The following WDPCP variants were observed in gnomAD, a reference collection of about 807,000 sequenced individuals.
WDPCP encodes WD repeat containing planar cell polarity effector, also known as WD repeat-containing and planar cell polarity effector protein fritz homolog.
Under a neutral mutation model 93.1 loss-of-function variants are expected in WDPCP, and 71 were observed. The ratio of observed to expected loss-of-function variants is 0.76; its 90% CI spans 0.63 to 0.93. WDPCP has a LOEUF of 0.93. Ranked by LOEUF, WDPCP falls within the 40% of genes least tolerant of loss-of-function variation. WDPCP has a pLI of 0.00. For missense variants in WDPCP, 844 were observed against 887.4 expected (o/e 0.95, Z 0.62); for synonymous variants, 315 against 315.0 (o/e 1.00, Z 0.00).
chr2:63,515,075 TA>T (rs1160696194), intron 1 of WDPCP, among the ~76,000 whole-genome samples: 22 of 152,162 alleles, frequency 1.4e-4, no homozygotes, highest in African/African-American at 2.2e-4. Context: ...ATTTTTTCAA[TA>T]GGTAATAAAT....
chr2:63,620,907 A>G (rs1709729079), intron 3 of WDPCP, among the ~76,000 whole-genome samples: 2 of 152,232 alleles, frequency 1.3e-5, no homozygotes, highest in Non-Finnish European at 2.9e-5. Context: ...AGCAAACTCC[A>G]GCAGACCTGA....
At chr2:63,333,405 T>G (rs11894002) in intron 12 of WDPCP, among the ~76,000 whole-genome samples, 5,690 of 152,304 alleles carry the variant, frequency 0.037, 369 homozygotes, top group African/African-American at 0.13. Flanking sequence ...CCCTTTGTTT[T>G]CCTTCCTTCC....
At position 63,627,186 on chromosome 2, in the gene WDPCP, A is replaced by G. The variant is rs909934725; in HGVS notation, n.488+23473T>C. Among the ~76,000 whole-genome samples the G allele has an allele frequency of 1.4e-4, 21 of 152,204 alleles. No homozygotes were observed. The East Asian group carries it at 3.1e-3, about 22-fold the overall frequency. ...CCAATAACAGGATTGCTAGAACACA[A>G]CATTTAGTTGAAAAGACAAAGCTCA... is the stretch of plus-strand genomic sequence containing the variant. On this transcript the variant is annotated intron_variant and non_coding_transcript_variant, in intron 3 of 4. Coordinates refer to the WDPCP transcript ENST00000467687.
chr2:63,446,859 T>C (rs1455886251), intron 6 of WDPCP, among the ~76,000 whole-genome samples: 1 of 152,248 alleles, frequency 6.6e-6, no homozygotes, highest in Admixed American at 6.5e-5. Flanking sequence ...AGCCTTCTTA[T>C]TTATACTTCA....
At chr2:63,690,280 G>C (rs142235620) in intron 2 of WDPCP, among the ~76,000 whole-genome samples, 360 of 152,282 alleles carry the variant, frequency 2.4e-3, no homozygotes, top group African/African-American at 8.0e-3. Context: ...AGCTGGAAAG[G>C]CTAATTATCA....
intron 9 of WDPCP, among the ~76,000 whole-genome samples, chr2:63,408,107 C>A (rs576189147): frequency 1.1e-4 from 17 of 152,210 alleles, no homozygotes; most frequent in Admixed American, 4.6e-4. Context: ...CTAGAGTGCA[C>A]CTCCAGACAG....
At chr2:63,546,382 G>A (rs570831710) in intron 1 of WDPCP, among the ~76,000 whole-genome samples, 12 of 152,266 alleles carry the variant, frequency 7.9e-5, no homozygotes, top group Middle Eastern at 6.8e-3. Flanking sequence ...GGATCTAATA[G>A]ACAATCCAAT....
chr2:63,802,281 TAAAAAAAAAAAAAAAAAAAAAAAA>T (rs58717654), intron 2 of WDPCP, among the ~76,000 whole-genome samples: 10 of 54,408 alleles, frequency 1.8e-4, no homozygotes, highest in Non-Finnish European at 2.4e-4. Context: ...CCCTCTCTCT[TAAAAAAAAAAAAAAAAAAAAAAAA>T]AAAAAAAAAA....
At chr2:63,643,893 G>T in intron 3 of WDPCP, 5 of 527,190 alleles carry the variant, frequency 9.5e-6, no homozygotes, top group South Asian at 7.0e-5. Context: ...GCATACTTAA[G>T]TCTGTTCCTT....
chr2:63,144,604 GT>G (rs1173491718), intron 17 of WDPCP, among the ~76,000 whole-genome samples: 2 of 152,110 alleles, frequency 1.3e-5, no homozygotes, highest in South Asian at 4.1e-4. Flanking sequence ...TTTTTTGGTT[GT>G]TTTTTCTTTA....
chr2:63,270,690 A>G (rs964901223), intron 13 of WDPCP, among the ~76,000 whole-genome samples: 1 of 152,218 alleles, frequency 6.6e-6, no homozygotes, highest in African/African-American at 2.4e-5. Flanking sequence ...CAAAGAGCCA[A>G]GAGAAACTCC....
At chr2:63,594,611 T>G (rs1243525483) in intron 3 of WDPCP, 4 of 1,487,046 alleles carry the variant, frequency 2.7e-6, no homozygotes, top group African/African-American at 1.4e-5. Context: ...CTATAAATCT[T>G]AAGTTATTAG....
At chr2:63,717,979 T>A (rs1405314649) in intron 2 of WDPCP, 5 of 152,730 alleles carry the variant, frequency 3.3e-5, no homozygotes, top group East Asian at 3.8e-4. Flanking sequence ...ACTTTTTTTT[T>A]ATTTTAGGAG....
intron 1 of WDPCP, among the ~76,000 whole-genome samples, chr2:63,552,315 T>A (rs940799893): frequency 6.6e-6 from 1 of 151,818 alleles, no homozygotes; most frequent in African/African-American, 2.4e-5. Context: ...GAGATATATA[T>A]ACACCTACTC....
intron 3 of WDPCP, among the ~76,000 whole-genome samples, chr2:63,609,848 G>A (rs932325928): frequency 2.0e-5 from 3 of 152,156 alleles, no homozygotes; most frequent in Non-Finnish European, 2.9e-5. Flanking sequence ...CTTTAGTCTG[G>A]GTGACAGAGC....
At chr2:63,605,309 C>G (rs1311415053) in intron 3 of WDPCP, 1 of 1,614,130 alleles carries the variant, frequency 6.2e-7, no homozygotes, top group African/African-American at 1.3e-5. Context: ...CTGCTGTCAT[C>G]AAGGCTCGAA....
chr2:63,737,800 T>G (rs1299051706), intron 2 of WDPCP, among the ~76,000 whole-genome samples: 2 of 152,216 alleles, frequency 1.3e-5, no homozygotes, highest in Non-Finnish European at 2.9e-5. Context: ...CAAGTTTTTG[T>G]TTTTCATTTG....
At chr2:63,520,826 G>A (rs1702867283) in intron 1 of WDPCP, among the ~76,000 whole-genome samples, 1 of 150,802 alleles carries the variant, frequency 6.6e-6, no homozygotes, top group Admixed American at 6.6e-5. Flanking sequence ...AGCCTGGGGA[G>A]GTCAAAGCTG....
chr2:63,811,960 G>A (rs1449087592), intron 2 of WDPCP, among the ~76,000 whole-genome samples: 2 of 152,108 alleles, frequency 1.3e-5, no homozygotes, highest in Non-Finnish European at 2.9e-5. Context: ...ACCTCTCTGG[G>A]CTCAGGTGAT....
Sources: allele counts gnomAD v4.1 joint callset (sites outside exome capture counted in the v4.1 genomes callset), GRCh38; gene constraint gnomAD v4.1.1; transcripts MANE v1.5; gene names NCBI Gene and HGNC (gene_info 2026-07-23, HGNC 2026-07-21).